The following KDM2B variants were observed in gnomAD, a reference collection of about 807,000 sequenced individuals.
KDM2B encodes the protein lysine-specific demethylase 2B.
A neutral mutation model predicts 150.0 loss-of-function variants in KDM2B; 26 were observed. The ratio of observed to expected loss-of-function variants is 0.17; its 90% CI spans 0.13 to 0.24. The LOEUF is 0.24. KDM2B is among the 10% of genes least tolerant of loss of function. The pLI is 1.00. For missense variants in KDM2B, 1,265 were observed against 1,816.9 expected, an observed-to-expected ratio of 0.70 and a Z score of 5.52; for synonymous variants, 734 against 729.5, an observed-to-expected ratio of 1.01 and a Z score of -0.10.
intron 8 of KDM2B, among the ~76,000 whole-genome samples, chr12:121,522,656 T>C (rs1383305097): frequency 2.6e-5 from 4 of 152,206 alleles, no homozygotes; most frequent in Non-Finnish European, 5.9e-5. Flanking sequence ...GAGACCAGCC[T>C]GGTCAATATG....
At chr12:121,539,313 G>A (rs1214937094) in intron 6 of KDM2B, among the ~76,000 whole-genome samples, 2 of 103,320 alleles carry the variant, frequency 1.9e-5, no homozygotes, top group Non-Finnish European at 3.5e-5. Flanking sequence ...GGGTGACATA[G>A]GAGACCCTCT....
chr12:121,557,015 C>T (rs556769870), intron 4 of KDM2B, among the ~76,000 whole-genome samples: 9 of 152,122 alleles, frequency 5.9e-5, no homozygotes, highest in Admixed American at 5.9e-4. Context: ...AGGCACTAAC[C>T]AGAAATCAGC....
intron 8 of KDM2B, among the ~76,000 whole-genome samples, chr12:121,527,496 CAA>C (rs1422746736): frequency 1.1e-4 from 17 of 149,910 alleles, no homozygotes; most frequent in South Asian, 8.4e-4. Context: ...ACTAAAAATA[CAA>C]AAAAAGTTAG....
chr12:121,552,676 TAA>T (rs5801436), intron 4 of KDM2B, among the ~76,000 whole-genome samples: 32 of 131,762 alleles, frequency 2.4e-4, no homozygotes, highest in Admixed American at 3.9e-4. Context: ...CTGTCTTAAT[TAA>T]AAAAAAAAAA....
At chr12:121,508,301 G>A (rs926409818) in intron 11 of KDM2B, among the ~76,000 whole-genome samples, 17 of 152,038 alleles carry the variant, frequency 1.1e-4, no homozygotes, top group African/African-American at 3.9e-4. Context: ...TGGCCAGGCT[G>A]GGCTCAAACT....
chr12:121,493,074 T>TC (rs1242131167), intron 12 of KDM2B, among the ~76,000 whole-genome samples: 1 of 139,912 alleles, frequency 7.1e-6, no homozygotes, highest in African/African-American at 2.7e-5. Flanking sequence ...TTTTTTTTTT[T>TC]TTTTTTTTTT....
intron 6 of KDM2B, among the ~76,000 whole-genome samples, chr12:121,542,593 A>G (rs1366014976): frequency 6.6e-6 from 1 of 152,278 alleles, no homozygotes; most frequent in Non-Finnish European, 1.5e-5. Flanking sequence ...TAGAATAATT[A>G]TACAGCAATA....
chr12:121,580,257 G>GC lies in KDM2B; in HGVS notation c.126+528_126+529insG, dbSNP rs1363566608. The GC allele has an allele frequency of 2.4e-6, 3 of 1,272,856 alleles. No homozygotes were observed. The African/African-American group carries it at 4.7e-5, about 20-fold the overall frequency. 78.8% of individuals were successfully genotyped at this position (1,272,856 alleles called of 1,614,324 possible). A position where few individuals can be genotyped will look rare whatever the true frequency, so the allele number is the denominator to read the frequency against. On this transcript the variant is annotated intron_variant, in intron 1 of 22. Transcript: ENST00000377071. Reference sequence around the variant, plus strand: ...GAAACCATTTTCAGCAGTTGTGGGGGGGGGGAGGCGTCGACGTCATAATCC... The same window carrying GC: ...GAAACCATTTTCAGCAGTTGTGGGGGCGGGGGAGGCGTCGACGTCATAATCC...
chr12:121,466,674 G>A (rs1215168226), intron 12 of KDM2B, among the ~76,000 whole-genome samples: 4 of 150,736 alleles, frequency 2.7e-5, no homozygotes, highest in African/African-American at 9.7e-5. Context: ...CGGGCCCCGG[G>A]AGCGCTCCAG....
chr12:121,493,463 T>A (rs1330489086), intron 12 of KDM2B, among the ~76,000 whole-genome samples: 1 of 152,134 alleles, frequency 6.6e-6, no homozygotes, highest in African/African-American at 2.4e-5. Flanking sequence ...GTAGTGAAGC[T>A]GCGTGGAGGC....
chr12:121,440,672 G>A, intron 21 of KDM2B, 144 bp downstream of exon 21: 1 of 806,394 alleles, frequency 1.2e-6, no homozygotes, highest in Non-Finnish European at 1.9e-6. Flanking sequence ...GATCCCCTCT[G>A]TGCCTGAAGC....
chr12:121,474,473 G>A (rs550277078), intron 12 of KDM2B, among the ~76,000 whole-genome samples: 1 of 152,074 alleles, frequency 6.6e-6, no homozygotes, highest in Non-Finnish European at 1.5e-5. Flanking sequence ...CAGAGATCTC[G>A]CCACTGCACT....
intron 22 of KDM2B, among the ~76,000 whole-genome samples, chr12:121,435,145 G>A (rs1415257286): frequency 6.6e-6 from 1 of 152,066 alleles, no homozygotes; most frequent in Admixed American, 6.6e-5. Flanking sequence ...ACCAGTCTGG[G>A]CAACATAGCG....
At chr12:121,497,507 T>A (rs1160737049) in intron 11 of KDM2B, among the ~76,000 whole-genome samples, 9 of 151,904 alleles carry the variant, frequency 5.9e-5, no homozygotes, top group Admixed American at 4.6e-4. Context: ...GGTTTCACCA[T>A]GTTGGCCAGG....
Position 121,549,706 on chromosome 12 carries a change from C to T in KDM2B, c.398-68G>A. The T allele has an allele frequency of 7.1e-7, 1 of 1,417,426 alleles. No homozygotes were observed. The highest frequency in any genetic ancestry group is 9.5e-7 in the Non-Finnish European group (1 of 1,048,446). 87.8% of individuals were successfully genotyped at this position (1,417,426 alleles called of 1,614,324 possible). A position where few individuals can be genotyped will look rare whatever the true frequency, so the allele number is the denominator to read the frequency against. On this transcript the variant is annotated intron_variant, in intron 4 of 22. Coordinates refer to ENST00000377071, the MANE Select transcript of KDM2B (RefSeq NM_032590.5). The surrounding 1 kb of genome is among the most constrained non-coding windows in gnomAD (Gnocchi z 4.4). ...GGCTCCAGATCCTACATGGGAGCCC[C>T]TCACTAAACAAAAGCTGCTCCTCCA...
chr12:121,560,574 G>C (rs1448776069), intron 4 of KDM2B, among the ~76,000 whole-genome samples: 1 of 151,770 alleles, frequency 6.6e-6, no homozygotes, highest in African/African-American at 2.4e-5. Context: ...CAGGGGCGAG[G>C]CACTGAGTTT....
Position 121,476,250 on chromosome 12 carries a change from G to T in KDM2B, c.1734+18329C>A, listed in dbSNP as rs148717101. On this transcript the variant is annotated intron_variant, in intron 12 of 22. Coordinates refer to ENST00000377071, the MANE Select transcript of KDM2B (RefSeq NM_032590.5). ...GCGGAGGTTGCAGTGAGCCAAGATT[G>T]TGCCATTACACTCCAGCCTGAAGGA... Among the ~76,000 whole-genome samples, 1,290 of 151,858 alleles carry T rather than the reference G, an allele frequency of 8.5e-3. 15 individuals are homozygous for T. Among genetic ancestry groups the T allele is most frequent in the African/African-American group, 0.03 (1,242 of 41,374 alleles).
At chr12:121,443,961 C>G in intron 16 of KDM2B, 51 bp downstream of exon 16, 1 of 1,563,086 alleles carries the variant, frequency 6.4e-7, no homozygotes, top group Non-Finnish European at 8.7e-7. Context: ...ACCCAGCACC[C>G]GGGACCAGCC....
the KDM2B span, among the ~76,000 whole-genome samples, chr12:121,412,350 C>T: frequency 6.6e-6 from 1 of 151,306 alleles, no homozygotes; most frequent in Admixed American, 6.6e-5. Flanking sequence ...CGCCATTCTC[C>T]CACCTTAGCC....
Sources: allele counts gnomAD v4.1 joint callset (sites outside exome capture counted in the v4.1 genomes callset), GRCh38; gene constraint gnomAD v4.1.1; non-coding constraint Gnocchi (gnomAD v3.1); transcripts MANE v1.5; gene names NCBI Gene and HGNC (gene_info 2026-07-23, HGNC 2026-07-21).